PER2: variants seen among roughly 807,000 people sequenced by gnomAD.
PER2 encodes period circadian regulator 2.
PER2 carries 66 observed loss-of-function variants against 121.0 expected under a neutral mutation model. The ratio of observed to expected loss-of-function variants is 0.55; its 90% CI spans 0.45 to 0.67. The LOEUF is 0.67. Ranked by LOEUF, PER2 falls within the 30% of genes least tolerant of loss-of-function variation. The probability of loss-of-function intolerance (pLI) is 0.00; values close to 1 mark genes in which losing one functional copy is unlikely to be tolerated. For synonymous variants in PER2, 684 were observed against 659.9 expected, an observed-to-expected ratio of 1.04 and a Z score of -0.56; for missense variants, 1,521 against 1,635.0, an observed-to-expected ratio of 0.93 and a Z score of 1.20.
chr2:238,298,057 G>C, the PER2 span, among the ~76,000 whole-genome samples: 1 of 144,540 alleles, frequency 6.9e-6, no homozygotes, highest in African/African-American at 2.6e-5. Flanking sequence ...TTGTGATACG[G>C]AGTCTCGCTC....
rs369936636 is a variant in PER2, at chr2:238,246,324, A to G, written c.*51T>C. ...GCCATGAAGATCTTTCATCTCTTCC[A>G]AGCACCACCTGGTGTACCTCGCTGG... is the stretch of plus-strand genomic sequence containing the variant. On this transcript the variant is annotated 3_prime_UTR_variant, in exon 23 of 23. Transcript: ENST00000254657. 31 of 1,429,158 alleles carry G rather than the reference A, an allele frequency of 2.2e-5. No individual in the cohort carries two copies. Among genetic ancestry groups the G allele is most frequent in the Non-Finnish European group, 3.0e-5 (31 of 1,050,780 alleles). 88.5% of individuals were successfully genotyped at this position (1,429,158 alleles called of 1,614,324 possible). A position where few individuals can be genotyped will look rare whatever the true frequency, so the allele number is the denominator to read the frequency against.
intron 1 of PER2, 125 bp downstream of exon 1, chr2:238,288,224 G>A (rs1696846942): frequency 6.6e-6 from 1 of 152,288 alleles, no homozygotes; most frequent in South Asian, 2.1e-4. Context: ...CGGCTGCGCT[G>A]ACCCTTGGTT....
the PER2 span, chr2:238,295,915 G>T: frequency 4.5e-6 from 1 of 222,814 alleles, no homozygotes; most frequent in Non-Finnish European, 9.1e-6. Context: ...GGAACTCTTT[G>T]CAAGCACGGA....
intron 8 of PER2, among the ~76,000 whole-genome samples, chr2:238,266,041 C>CT (rs1168764721): frequency 6.6e-6 from 1 of 151,996 alleles, no homozygotes; most frequent in Non-Finnish European, 1.5e-5. Context: ...GTAGTTGGGA[C>CT]TACAGGCGTG....
In PER2 at chr2:238,277,786, G is replaced by A. The variant is rs199703220; in HGVS notation, c.151C>T (p.Arg51Trp). 12 of 1,614,072 alleles carry A rather than the reference G, an allele frequency of 7.4e-6. No homozygotes were observed. In the Admixed American group the frequency reaches 8.3e-5, roughly 11 times the overall value. Residue 51 changes from arginine to tryptophan, a missense_variant, in exon 2 of 23, where the codon CGG becomes TGG. By Grantham distance (101) the Arg-to-Trp change is moderately radical (BLOSUM62 -3). Coordinates refer to ENST00000254657, the MANE Select transcript of PER2 (RefSeq NM_022817.3). ...HETNENCSTG[R>W]DSQGSDCDDS... ...TCACAGTCACTGCCCTGCGAGTCCC[G>A]CCCCGTGGAGCAGTTTTCGTTGGTC...
chr2:238,271,861 C>T (rs936092935), intron 5 of PER2, among the ~76,000 whole-genome samples: 1 of 152,082 alleles, frequency 6.6e-6, no homozygotes, highest in African/African-American at 2.4e-5. Context: ...ATACTAGCCC[C>T]GAGATGACCC....
chr2:238,256,803 C>A, intron 17 of PER2, 119 bp downstream of exon 17: 3 of 1,052,444 alleles, frequency 2.9e-6, no homozygotes, highest in Admixed American at 4.2e-5. Context: ...TTTCCTGAAA[C>A]GCCCCCTATC....
Position 238,257,052 on chromosome 2 carries a change from C to A in PER2, c.1935G>T (p.Thr645=). 6.2e-7 allele frequency: 1 copy of A among 1,613,252 alleles called. No individual in the cohort carries two copies. The highest frequency in any genetic ancestry group is 8.5e-7 in the Non-Finnish European group (1 of 1,179,928). ...AEPPSRVNSR[T]GVGTHLTSLA... ...GCGAGGTCAGGTGCGTACCTACTCC[C>A]GTGCGGCTGTTCACCCTGGAGGGCG... is the stretch of plus-strand genomic sequence containing the variant. Residue 645 remains threonine, a synonymous_variant, in exon 17 of 23, where the codon ACG becomes ACT. Coordinates refer to ENST00000254657, the MANE Select transcript of PER2 (RefSeq NM_022817.3).
At chr2:238,248,150 A>T (rs1011709452) in intron 22 of PER2, among the ~76,000 whole-genome samples, 67 of 152,332 alleles carry the variant, frequency 4.4e-4, no homozygotes, top group South Asian at 2.1e-4. Context: ...GGAGGCCAAG[A>T]GGTCAGAGGG....
upstream of PER2, among the ~76,000 whole-genome samples, chr2:238,291,221 C>A (rs945508662): frequency 2.6e-4 from 39 of 152,308 alleles, no homozygotes; most frequent in Middle Eastern, 3.4e-3. Context: ...GAGGAGCTGG[C>A]CTCCCAGCTA....
At chr2:238,283,723 C>A (rs1696697799) in intron 1 of PER2, among the ~76,000 whole-genome samples, 1 of 152,228 alleles carries the variant, frequency 6.6e-6, no homozygotes, top group Non-Finnish European at 1.5e-5. Flanking sequence ...AAGGTGGAAG[C>A]AAGGAGACCT....
chr2:238,297,413 G>T, the PER2 span, among the ~76,000 whole-genome samples: 1 of 152,156 alleles, frequency 6.6e-6, no homozygotes, highest in Admixed American at 6.5e-5. Flanking sequence ...GGTCCACCCG[G>T]CAGGGCCTCT....
rs114545224 is a variant in PER2 at position 238,275,882 on chromosome 2, C to A, written c.309G>T (p.Ser103=). 581 of 1,614,202 alleles carry A rather than the reference C, an allele frequency of 3.6e-4. No individual in the cohort carries two copies. The African/African-American group carries it at 7.2e-3, about 20-fold the overall frequency. ...TCAGTTCTTTGTGTGTGTCCACTTT[C>A]GAAGACTGGTCGCTACTGCAGGATT... ...STSGCSSDQS[S]KVDTHKELIK... Residue 103 remains serine (S), a synonymous_variant, in exon 4 of 23, where the codon TCG becomes TCT. Coordinates refer to ENST00000254657, the MANE Select transcript of PER2 (RefSeq NM_022817.3).
chr2:238,266,522 A>G (rs1696118876), intron 8 of PER2, among the ~76,000 whole-genome samples: 1 of 152,222 alleles, frequency 6.6e-6, no homozygotes, highest in African/African-American at 2.4e-5. Context: ...GCATAAAGTG[A>G]GTCATATATC....
At position 238,271,420 on chromosome 2, in the gene PER2, A is replaced by G. The variant is rs1195325787; in HGVS notation, c.664T>C (p.Phe222Leu). 2 of 1,614,056 alleles carry G rather than the reference A, an allele frequency of 1.2e-6. No individual in the cohort carries two copies. Among genetic ancestry groups the G allele is most frequent in the Non-Finnish European group, 1.7e-6 (2 of 1,179,848 alleles). ...AACTCCACAAACTTGGCATCGCTGA[A>G]GGCATCTCTTTTACAGTGAAATATG... The part of the protein sequence containing the change: ...ASIFHCKRDA[F>L]SDAKFVEFLA... The change falls in exon 6 of 23, where the codon TTC becomes CTC. Residue 222 changes from phenylalanine (F) to leucine (L), a missense_variant. Transcript: ENST00000254657.
intron 1 of PER2, among the ~76,000 whole-genome samples, chr2:238,283,886 CTGAG>C (rs1164367035): frequency 6.6e-6 from 1 of 152,186 alleles, no homozygotes; most frequent in African/African-American, 2.4e-5. Flanking sequence ...CCTTTCTGCT[CTGAG>C]TGAGTCATTA....
At chr2:238,282,481 T>A (rs1266487718) in intron 1 of PER2, among the ~76,000 whole-genome samples, 1 of 152,236 alleles carries the variant, frequency 6.6e-6, no homozygotes, top group Non-Finnish European at 1.5e-5. Context: ...GACACAAACC[T>A]GGGACATCCA....
the PER2 span, chr2:238,298,995 G>C: frequency 2.0e-5 from 3 of 152,500 alleles, no homozygotes; most frequent in Non-Finnish European, 2.9e-5. Flanking sequence ...AATCGGCCAG[G>C]CACAGTGGCT....
chr2:238,273,209 T>C lies in PER2; in HGVS notation c.449-18A>G. ...TTCATTGGCTGCAGGAGAGACAGTG[T>C]TCACTCAGTGGGCAGAACCCAGCGC... is the stretch of plus-strand genomic sequence containing the variant. On this transcript the variant is annotated intron_variant, in intron 4 of 22. Coordinates refer to ENST00000254657, the MANE Select transcript of PER2 (RefSeq NM_022817.3). 6.2e-7 allele frequency: 1 copy of C among 1,607,772 alleles called. No homozygotes were observed. Among genetic ancestry groups the C allele is most frequent in the Non-Finnish European group, 8.5e-7 (1 of 1,177,146 alleles).
Sources: allele counts gnomAD v4.1 joint callset (sites outside exome capture counted in the v4.1 genomes callset), GRCh38; gene constraint gnomAD v4.1.1; transcripts MANE v1.5; gene names NCBI Gene and HGNC (gene_info 2026-07-23, HGNC 2026-07-21).